PHKB: variants seen among roughly 807,000 people sequenced by gnomAD.
PHKB encodes the protein phosphorylase b kinase regulatory subunit beta.
Under a neutral mutation model 152.1 loss-of-function variants are expected in PHKB, and 122 were observed. The ratio of observed to expected loss-of-function variants is 0.80; its 90% CI spans 0.69 to 0.93. PHKB has a LOEUF of 0.93. Among genes scored for constraint, PHKB ranks in the 40% least tolerant of loss-of-function variants. The probability of loss-of-function intolerance (pLI) is 0.00; values close to 1 mark genes in which losing one functional copy is unlikely to be tolerated. For synonymous variants in PHKB, 436 were observed against 464.9 expected (o/e 0.94, Z 0.80); for missense variants, 1,304 against 1,328.4 (o/e 0.98, Z 0.29).
chr16:47,538,836 T>C lies in PHKB; in HGVS notation c.595-8597T>C, dbSNP rs8061061. Reference sequence around the variant, plus strand: ...CCTTCCTGTAGTTTCTGAAAGTTTCTGGTCTACTGATGGAATCTCACCTTG... The same window carrying C: ...CCTTCCTGTAGTTTCTGAAAGTTTCCGGTCTACTGATGGAATCTCACCTTG... On this transcript the variant is annotated intron_variant, in intron 6 of 30. Coordinates refer to ENST00000323584, the MANE Select transcript of PHKB (RefSeq NM_000293.3). 8.5e-3 allele frequency among the ~76,000 whole-genome samples: 1,302 copies of C among 152,352 alleles called. 19 individuals carry two copies. Among genetic ancestry groups the C allele is most frequent in the African/African-American group, 0.029 (1,220 of 41,574 alleles).
At chr16:47,552,253 A>G (rs771308178) in intron 7 of PHKB, among the ~76,000 whole-genome samples, 4 of 152,160 alleles carry the variant, frequency 2.6e-5, no homozygotes, top group Non-Finnish European at 5.9e-5. Flanking sequence ...GGATCCTGTC[A>G]TTATGATGTT....
chr16:47,559,950 G>A (rs1971447983), intron 7 of PHKB, among the ~76,000 whole-genome samples: 1 of 152,200 alleles, frequency 6.6e-6, no homozygotes, highest in Non-Finnish European at 1.5e-5. Context: ...CCTGCAAAGA[G>A]CCTGCTGCCA....
intron 14 of PHKB, among the ~76,000 whole-genome samples, chr16:47,611,669 AACAC>A (rs764761481): frequency 3.3e-5 from 5 of 150,378 alleles, no homozygotes; most frequent in African/African-American, 4.9e-5. Flanking sequence ...TATACACACA[AACAC>A]ACACACACAC....
intron 25 of PHKB, among the ~76,000 whole-genome samples, chr16:47,667,427 G>A (rs1337735602): frequency 4.6e-5 from 7 of 152,012 alleles, no homozygotes; most frequent in East Asian, 3.8e-4. Context: ...ATACCCTGTC[G>A]TTTAAAGAAA....
chr16:47,495,834 G>A (rs1260091926), intron 1 of PHKB, among the ~76,000 whole-genome samples: 3 of 152,146 alleles, frequency 2.0e-5, no homozygotes, highest in East Asian at 1.9e-4. Flanking sequence ...AGGTCTCTCC[G>A]TTCCTCACTA....
chr16:47,588,758 A>G lies in PHKB; in HGVS notation c.871-147A>G, dbSNP rs1971977045. The stretch of plus-strand genomic sequence containing the variant: ...TCTGTAAGGTTTCCTGGAACATGCC[A>G]TAGAAACATCTGTCTGATCCTGGGA... On this transcript the variant is annotated intron_variant, in intron 9 of 30. Coordinates refer to ENST00000323584, the MANE Select transcript of PHKB (RefSeq NM_000293.3). 6 of 713,118 alleles carry G rather than the reference A, an allele frequency of 8.4e-6. No individual in the cohort carries two copies. In the East Asian group the frequency reaches 1.1e-4, roughly 13 times the overall value. 44.2% of individuals were successfully genotyped at this position (713,118 alleles called of 1,614,324 possible). A position where few individuals can be genotyped will look rare whatever the true frequency, so the allele number is the denominator to read the frequency against.
intron 27 of PHKB, among the ~76,000 whole-genome samples, chr16:47,693,146 A>T (rs1259772856): frequency 2.0e-5 from 3 of 152,230 alleles, no homozygotes; most frequent in Non-Finnish European, 4.4e-5. Flanking sequence ...CTTACAGGAT[A>T]ACATTTTGTC....
chr16:47,604,362 C>T (rs905189262), intron 13 of PHKB, among the ~76,000 whole-genome samples: 11 of 152,092 alleles, frequency 7.2e-5, no homozygotes, highest in African/African-American at 2.4e-4. Context: ...TTAGTTTTTG[C>T]TGTGGAATTT....
rs1007947591 is a variant in PHKB, at chr16:47,646,533, A to T, written c.1609-2000A>T. ...TACCCTAAAACTTAGAGTATAATAA[A>T]AAAAAAAAAAACATTAAAAATAAAA... On this transcript the variant is annotated intron_variant, in intron 16 of 30. Coordinates refer to ENST00000323584, the MANE Select transcript of PHKB (RefSeq NM_000293.3). Among the ~76,000 whole-genome samples, 159 of 148,262 alleles carry T rather than the reference A, an allele frequency of 1.1e-3. 1 individual carries two copies. Among genetic ancestry groups the T allele is most frequent in the African/African-American group, 3.3e-3 (133 of 40,534 alleles).
At chr16:47,647,827 A>T (rs1016463441) in intron 16 of PHKB, among the ~76,000 whole-genome samples, 1 of 152,186 alleles carries the variant, frequency 6.6e-6, no homozygotes, top group African/African-American at 2.4e-5. Context: ...GGAATACCAC[A>T]ATATTAAGTT....
At chr16:47,670,981 G>T (rs577851982) in intron 26 of PHKB, among the ~76,000 whole-genome samples, 2 of 151,828 alleles carry the variant, frequency 1.3e-5, no homozygotes, top group South Asian at 4.2e-4. Flanking sequence ...CATCTGGTCC[G>T]TCTTACTTCA....
intron 7 of PHKB, chr16:47,562,028 A>G (rs1265120866): frequency 6.6e-6 from 1 of 152,196 alleles, no homozygotes; most frequent in African/African-American, 2.4e-5. Flanking sequence ...GAGCTGGCCT[A>G]GCTTTAAGGC....
At chr16:47,623,599 T>C (rs1024686918) in intron 14 of PHKB, among the ~76,000 whole-genome samples, 2 of 149,912 alleles carry the variant, frequency 1.3e-5, no homozygotes, top group African/African-American at 2.5e-5. Flanking sequence ...AGTCTTGCTC[T>C]TGTTGCCCAG....
chr16:47,610,605 C>A (rs1972409295), intron 13 of PHKB, among the ~76,000 whole-genome samples: 1 of 152,102 alleles, frequency 6.6e-6, no homozygotes, highest in Admixed American at 6.5e-5. Context: ...TAATTCCATT[C>A]CCTTGTGGTC....
At chr16:47,554,405 TGTGCTGGC>T (rs1316432600) in intron 7 of PHKB, among the ~76,000 whole-genome samples, 1 of 147,090 alleles carries the variant, frequency 6.8e-6, no homozygotes, top group Non-Finnish European at 1.5e-5. Flanking sequence ...TTCAGACTGC[TGTGCTGGC>T]AACGAGAATT....
intron 26 of PHKB, among the ~76,000 whole-genome samples, chr16:47,670,929 G>T (rs1282302464): frequency 2.0e-5 from 3 of 151,818 alleles, no homozygotes; most frequent in South Asian, 4.2e-4. Flanking sequence ...GTATAATACA[G>T]ACTTATGTGC....
At chr16:47,684,450 G>A (rs1973924290) in intron 26 of PHKB, among the ~76,000 whole-genome samples, 1 of 152,120 alleles carries the variant, frequency 6.6e-6, no homozygotes, top group African/African-American at 2.4e-5. Flanking sequence ...TACACACACT[G>A]TATCCTTACT....
intron 8 of PHKB, among the ~76,000 whole-genome samples, chr16:47,584,647 A>G (rs956361281): frequency 6.6e-6 from 1 of 152,184 alleles, no homozygotes; most frequent in Non-Finnish European, 1.5e-5. Context: ...TTTCCGGAAG[A>G]ATACATTTCT....
chr16:47,587,648 T>G lies in PHKB; in HGVS notation c.775-20T>G. On this transcript the variant is annotated intron_variant, in intron 8 of 30. Transcript: ENST00000323584. ...TCTTTTTTCTTAATTTAGGAAATGT[T>G]TTTCTTTTTCTCTGTCCAGGGCTGT... is the stretch of plus-strand genomic sequence containing the variant. 1.9e-6 allele frequency: 3 copies of G among 1,590,334 alleles called. No individual in the cohort carries two copies. Among genetic ancestry groups the G allele is most frequent in the Non-Finnish European group, 2.6e-6 (3 of 1,159,152 alleles).
Sources: allele counts gnomAD v4.1 joint callset (sites outside exome capture counted in the v4.1 genomes callset), GRCh38; gene constraint gnomAD v4.1.1; transcripts MANE v1.5; gene names NCBI Gene and HGNC (gene_info 2026-07-23, HGNC 2026-07-21).